Variants in ADAMTS2 observed in about 807,000 individuals in gnomAD.
ADAMTS2 encodes ADAM metallopeptidase with thrombospondin type 1 motif 2.
Under a neutral mutation model 123.0 loss-of-function variants are expected in ADAMTS2, and 50 were observed. The observed-to-expected ratio is 0.41, with a 90% confidence interval of 0.32 to 0.51. The LOEUF (loss-of-function observed/expected upper bound fraction) is 0.51. Ranked by LOEUF, ADAMTS2 falls within the 20% of genes least tolerant of loss-of-function variation. The pLI, the probability that ADAMTS2 is intolerant of heterozygous loss-of-function variation, is 0.35. For synonymous variants in ADAMTS2, 678 were observed against 695.4 expected, an observed-to-expected ratio of 0.98 and a Z score of 0.39; for missense variants, 1,494 against 1,705.2, an observed-to-expected ratio of 0.88 and a Z score of 2.18.
intron 21 of ADAMTS2, chr5:179,121,247 G>A (rs1051396579): frequency 6.4e-6 from 1 of 155,406 alleles, no homozygotes; most frequent in Non-Finnish European, 1.4e-5. Context: ...AAGGGTCGGC[G>A]GCAGCAGCGA....
rs765446595 is a variant in ADAMTS2, at chr5:179,224,073, C to T, written c.689-16358G>A. On this transcript the variant is annotated intron_variant, in intron 3 of 21. Coordinates refer to ENST00000251582, the MANE Select transcript of ADAMTS2 (RefSeq NM_014244.5). ...GGACGAGGCGCAGCGTGGATGCGGG[C>T]GGATTGTCTGTATCTCCTTGGTGGG... Among the ~76,000 whole-genome samples the T allele has an allele frequency of 3.9e-4, 59 of 152,276 alleles. 1 individual carries two copies. The highest frequency in any genetic ancestry group is 1.3e-3 in the African/African-American group (52 of 41,556).
intron 2 of ADAMTS2, among the ~76,000 whole-genome samples, chr5:179,310,601 A>T (rs948554270): frequency 6.6e-6 from 1 of 152,102 alleles, no homozygotes; most frequent in African/African-American, 2.4e-5. Flanking sequence ...GCTATGCAAA[A>T]TGTGGCCTGG....
chr5:179,195,238 C>T (rs954783044), intron 4 of ADAMTS2, among the ~76,000 whole-genome samples: 1 of 152,228 alleles, frequency 6.6e-6, no homozygotes, highest in South Asian at 2.1e-4. Flanking sequence ...TCCCAGCATG[C>T]TCCTCCCACA....
chr5:179,161,537 G>A (rs971558884), intron 5 of ADAMTS2, among the ~76,000 whole-genome samples: 2 of 152,312 alleles, frequency 1.3e-5, no homozygotes, highest in Admixed American at 6.5e-5. Flanking sequence ...AGAGTGGGGG[G>A]CAGCGGGCTG....
chr5:179,207,489 T>TCC, intron 4 of ADAMTS2, 24 bp downstream of exon 4: 1 of 470,886 alleles, frequency 2.1e-6, no homozygotes, highest in Admixed American at 3.5e-5. Context: ...CGCCCCACCC[T>TCC]GCCCCCTCAG....
At chr5:179,280,184 T>C (rs1258892831) in intron 2 of ADAMTS2, among the ~76,000 whole-genome samples, 3 of 152,126 alleles carry the variant, frequency 2.0e-5, no homozygotes, top group Non-Finnish European at 4.4e-5. Context: ...CTCCAGAAAG[T>C]CTCTTTTTTG....
In ADAMTS2 at chr5:179,228,260, A is replaced by C. The variant is rs1266562913; in HGVS notation, c.689-20545T>G. 1.3e-5 allele frequency among the ~76,000 whole-genome samples: 2 copies of C among 152,158 alleles called. No individual in the cohort carries two copies. Among genetic ancestry groups the C allele is most frequent in the African/African-American group, 4.8e-5 (2 of 41,448 alleles). On this transcript the variant is annotated intron_variant, in intron 3 of 21. Coordinates refer to ENST00000251582, the MANE Select transcript of ADAMTS2 (RefSeq NM_014244.5). The surrounding 1 kb of genome is among the most constrained non-coding windows in gnomAD (Gnocchi z 5.2). The stretch of plus-strand genomic sequence containing the variant: ...TGTCCTGATCTGAAAAGTAGGCATA[A>C]CGATGCTGGCCACAGCCCACAAGTA...
rs1443684131 is a variant in ADAMTS2 at position 179,195,887 on chromosome 5, T to C, written c.891+11626A>G. On this transcript the variant is annotated intron_variant, in intron 4 of 21. Transcript: ENST00000251582. ...TGAACCCCGCTTGCCTCCCCCCACT[T>C]AAGGGACCCGTGTTTCGTGTCCAGT... 2.6e-5 allele frequency among the ~76,000 whole-genome samples: 4 copies of C among 152,128 alleles called. No homozygotes were observed. In the East Asian group the frequency reaches 7.7e-4, roughly 29 times the overall value.
rs573934126 is a variant in ADAMTS2 at position 179,285,069 on chromosome 5, C to A, written c.535-12005G>T. Reference sequence around the variant, plus strand: ...GCTAAGCGAGATACTGCGTCTCTAGCACTGGGCACAGCACGTGATAAATCA... The same window carrying A: ...GCTAAGCGAGATACTGCGTCTCTAGAACTGGGCACAGCACGTGATAAATCA... On this transcript the variant is annotated intron_variant, in intron 2 of 21. Coordinates refer to ENST00000251582, the MANE Select transcript of ADAMTS2 (RefSeq NM_014244.5). This position sits in a 1 kb window ranked among gnomAD's most constrained non-coding sequence, Gnocchi z 4.9. 6.6e-6 allele frequency among the ~76,000 whole-genome samples: 1 copy of A among 152,282 alleles called. No individual in the cohort carries two copies. Among genetic ancestry groups the A allele is most frequent in the African/African-American group, 2.4e-5 (1 of 41,548 alleles).
At chr5:179,177,075 G>T (rs1019368034) in intron 5 of ADAMTS2, among the ~76,000 whole-genome samples, 2 of 152,172 alleles carry the variant, frequency 1.3e-5, no homozygotes, top group Admixed American at 1.3e-4. Flanking sequence ...GTCTAGATCT[G>T]CCTTCTGGAA....
In ADAMTS2 at chr5:179,262,752, CTG is replaced by C. The variant is rs1486240915; in HGVS notation, c.688+10157_688+10158del. 6.6e-6 allele frequency among the ~76,000 whole-genome samples: 1 copy of C among 152,268 alleles called. No individual in the cohort carries two copies. The highest frequency in any genetic ancestry group is 1.5e-5 in the Non-Finnish European group (1 of 68,050). On this transcript the variant is annotated intron_variant, in intron 3 of 21. Transcript: ENST00000251582. This position sits in a 1 kb window ranked among gnomAD's most constrained non-coding sequence, Gnocchi z 5.9. ...TTTACTTTGTTCACAGGATTCTCCA[CTG>C]TCTGCGAGCATCTGCTCACCAGGTC...
chr5:179,184,565 G>C (rs1253374584), intron 4 of ADAMTS2, among the ~76,000 whole-genome samples: 1 of 149,560 alleles, frequency 6.7e-6, no homozygotes, highest in Non-Finnish European at 1.5e-5. Context: ...CCCCACGTTT[G>C]AGCCTAAGCG....
rs940082718 is a variant in ADAMTS2 at position 179,130,152 on chromosome 5, G to C, written c.2291-54C>G. The C allele has an allele frequency of 6.2e-7, 1 of 1,610,454 alleles. No homozygotes were observed. Among genetic ancestry groups the C allele is most frequent in the Middle Eastern group, 1.7e-4 (1 of 6,056 alleles). On this transcript the variant is annotated intron_variant, in intron 15 of 21. Coordinates refer to ENST00000251582, the MANE Select transcript of ADAMTS2 (RefSeq NM_014244.5). The surrounding 1 kb of genome is among the most constrained non-coding windows in gnomAD (Gnocchi z 4.3). Reference sequence around the variant, plus strand: ...TGTGGTCACCCAAGAGCAGGACCCAGGCCCACTGGTTTGGGCTGGTCGGGG... The same window carrying C: ...TGTGGTCACCCAAGAGCAGGACCCACGCCCACTGGTTTGGGCTGGTCGGGG...
chr5:179,171,650 T>C (rs1390441713), intron 5 of ADAMTS2, among the ~76,000 whole-genome samples: 1 of 152,154 alleles, frequency 6.6e-6, no homozygotes, highest in Non-Finnish European at 1.5e-5. Flanking sequence ...CCCCCATCAC[T>C]GCCTCCTGTG....
chr5:179,252,443 A>T (rs1222815345), intron 3 of ADAMTS2, among the ~76,000 whole-genome samples: 3 of 152,174 alleles, frequency 2.0e-5, no homozygotes, highest in African/African-American at 7.2e-5. Flanking sequence ...TTTCTAATGT[A>T]AATTTCCATC....
chr5:179,192,979 G>A (rs923871603), intron 4 of ADAMTS2, among the ~76,000 whole-genome samples: 7 of 152,168 alleles, frequency 4.6e-5, no homozygotes, highest in African/African-American at 9.7e-5. Flanking sequence ...CCACCCCAGC[G>A]GGCTCCCAGG....
Position 179,189,904 on chromosome 5 carries a change from G to C in ADAMTS2, c.892-8749C>G, listed in dbSNP as rs1457513917. On this transcript the variant is annotated intron_variant, in intron 4 of 21. Transcript: ENST00000251582. The surrounding 1 kb of genome is among the most constrained non-coding windows in gnomAD (Gnocchi z 4.2). ...AGATTCACAAGGGCGGGTCCGGCGG[G>C]GGCGGGTGGCAATATCACAAAGTAC... 1.3e-5 allele frequency among the ~76,000 whole-genome samples: 2 copies of C among 151,936 alleles called. No homozygotes were observed. The highest frequency in any genetic ancestry group is 2.9e-5 in the Non-Finnish European group (2 of 68,016).
chr5:179,126,266 C>T (rs1440960283), intron 17 of ADAMTS2, 136 bp from the exon 18 acceptor site: 5 of 1,310,604 alleles, frequency 3.8e-6, no homozygotes, highest in African/African-American at 1.4e-5. Context: ...GTGGGCAGGG[C>T]ACCGAGCCTG....
At chr5:179,264,041 A>T (rs1377378238) in intron 3 of ADAMTS2, among the ~76,000 whole-genome samples, 1 of 152,148 alleles carries the variant, frequency 6.6e-6, no homozygotes, top group African/African-American at 2.4e-5. Flanking sequence ...CAGAGTTTGG[A>T]CCTCGGACCC....
Sources: gnomAD v4.1 joint callset for allele counts (sites outside exome capture counted in the v4.1 genomes callset) on GRCh38, gnomAD v4.1.1 for gene constraint, Gnocchi (gnomAD v3.1) non-coding constraint, MANE v1.5 for transcripts, NCBI Gene and HGNC (gene_info 2026-07-23, HGNC 2026-07-21) for gene names.